SAMTOR: variants seen among roughly 807,000 people sequenced by gnomAD.
SAMTOR encodes the protein UPF0532 protein C7orf60.
the SAMTOR span, chr7:112,939,844 G>A: frequency 2.0e-6 from 2 of 977,722 alleles, no homozygotes; most frequent in South Asian, 3.1e-5. Context: ...TGCGGAGGCA[G>A]CAGCCAGAGG....
At chr7:112,906,347 T>C in the SAMTOR span, among the ~76,000 whole-genome samples, 1 of 152,206 alleles carries the variant, frequency 6.6e-6, no homozygotes, top group Non-Finnish European at 1.5e-5. Context: ...CCATTGTATG[T>C]AGTCCATATA....
chr7:112,888,651 C>T, the SAMTOR span, among the ~76,000 whole-genome samples: 1 of 152,098 alleles, frequency 6.6e-6, no homozygotes, highest in Non-Finnish European at 1.5e-5. Context: ...TATATCTTTA[C>T]TATGTGAACC....
the SAMTOR span, chr7:112,820,992 A>G: frequency 6.6e-6 from 1 of 152,476 alleles, no homozygotes; most frequent in Non-Finnish European, 1.5e-5. Context: ...AAGAAAAGTA[A>G]AAGTGAACTC....
chr7:112,929,924 G>C, the SAMTOR span, among the ~76,000 whole-genome samples: 1 of 152,012 alleles, frequency 6.6e-6, no homozygotes, highest in Non-Finnish European at 1.5e-5. Context: ...CACAAGCATG[G>C]TATATGTTAC....
the SAMTOR span, among the ~76,000 whole-genome samples, chr7:112,871,992 A>G: frequency 6.6e-6 from 1 of 152,186 alleles, no homozygotes; most frequent in East Asian, 1.9e-4. Flanking sequence ...TTGAATCAGT[A>G]ATTAATAAAA....
the SAMTOR span, among the ~76,000 whole-genome samples, chr7:112,899,655 A>C: frequency 5.3e-4 from 81 of 152,278 alleles, 3 homozygotes; most frequent in East Asian, 0.012. Context: ...AAGGACAAAG[A>C]AAGAATCCTA....
chr7:112,902,470 T>G, the SAMTOR span, among the ~76,000 whole-genome samples: 5 of 105,090 alleles, frequency 4.8e-5, no homozygotes, highest in African/African-American at 1.0e-4. Context: ...ACCAAAAAAG[T>G]TGGTGGTTGC....
chr7:112,905,777 A>G, the SAMTOR span, among the ~76,000 whole-genome samples: 3 of 151,816 alleles, frequency 2.0e-5, no homozygotes, highest in Non-Finnish European at 4.4e-5. Context: ...CTTCCTTAAT[A>G]TTAGAAATAT....
chr7:112,819,497 T>C, the SAMTOR span: 1 of 152,268 alleles, frequency 6.6e-6, no homozygotes, highest in Non-Finnish European at 1.5e-5. Flanking sequence ...AATGACTGCT[T>C]ATACTTCAAT....
the SAMTOR span, among the ~76,000 whole-genome samples, chr7:112,876,856 T>G: frequency 6.6e-6 from 1 of 152,208 alleles, no homozygotes; most frequent in Admixed American, 6.5e-5. Context: ...TACGTCTTTG[T>G]TAATCTTTTC....
the SAMTOR span, among the ~76,000 whole-genome samples, chr7:112,830,065 C>T: frequency 2.6e-5 from 4 of 152,042 alleles, no homozygotes; most frequent in Admixed American, 6.6e-5. Flanking sequence ...CTAGCTGCCT[C>T]GGTCTCCTAG....
the SAMTOR span, among the ~76,000 whole-genome samples, chr7:112,922,384 T>C: frequency 6.6e-6 from 1 of 152,146 alleles, no homozygotes; most frequent in Non-Finnish European, 1.5e-5. Context: ...CCACCCTGTC[T>C]GGGAAGTGAG....
the SAMTOR span, among the ~76,000 whole-genome samples, chr7:112,909,295 C>G: frequency 2.0e-5 from 3 of 152,104 alleles, no homozygotes; most frequent in Non-Finnish European, 4.4e-5. Flanking sequence ...TGACAATGAA[C>G]AGGGAAAGAC....
At chr7:112,825,974 T>C in the SAMTOR span, among the ~76,000 whole-genome samples, 12 of 152,176 alleles carry the variant, frequency 7.9e-5, no homozygotes, top group East Asian at 1.9e-4. Flanking sequence ...GTTCATACGA[T>C]AGATTGTTTT....
the SAMTOR span, among the ~76,000 whole-genome samples, chr7:112,835,965 T>C: frequency 3.9e-5 from 6 of 152,170 alleles, no homozygotes; most frequent in East Asian, 3.9e-4. Context: ...TGTGTCTTTA[T>C]TGTAGAATGA....
At chr7:112,890,796 T>TC in the SAMTOR span, among the ~76,000 whole-genome samples, 2 of 151,980 alleles carry the variant, frequency 1.3e-5, no homozygotes, top group South Asian at 2.1e-4. Flanking sequence ...GCTCAAGTGA[T>TC]CCTTTCGCTT....
chr7:112,843,999 A>G, the SAMTOR span, among the ~76,000 whole-genome samples: 164 of 152,288 alleles, frequency 1.1e-3, no homozygotes, highest in African/African-American at 3.4e-3. Flanking sequence ...AATGTGACTC[A>G]TCACATAAAC....
At chr7:112,883,348 T>A in the SAMTOR span, among the ~76,000 whole-genome samples, 3 of 152,238 alleles carry the variant, frequency 2.0e-5, no homozygotes, top group Admixed American at 6.5e-5. Context: ...CTGAGAAGCA[T>A]GTGTTAAAGC....
At chr7:112,904,639 A>C in the SAMTOR span, among the ~76,000 whole-genome samples, 2 of 152,210 alleles carry the variant, frequency 1.3e-5, no homozygotes, top group African/African-American at 4.8e-5. Flanking sequence ...ATGAAGCAAA[A>C]GAAAGGAAGA....
Sources: allele counts gnomAD v4.1 joint callset (sites outside exome capture counted in the v4.1 genomes callset), GRCh38; gene constraint gnomAD v4.1.1; transcripts MANE v1.5; gene names NCBI Gene and HGNC (gene_info 2026-07-23, HGNC 2026-07-21).